Variants in PDE4B observed in about 807,000 individuals in gnomAD.
PDE4B encodes the protein phosphodiesterase 4B.
Under a neutral mutation model 82.2 loss-of-function variants are expected in PDE4B, and 20 were observed. That is an observed-to-expected ratio of 0.24 (90% CI 0.17 to 0.35). The LOEUF is 0.35. Ranked by LOEUF, PDE4B falls within the 10% of genes least tolerant of loss-of-function variation. The pLI, the probability that PDE4B is intolerant of heterozygous loss-of-function variation, is 1.00. For missense variants in PDE4B, 655 were observed against 907.2 expected, an observed-to-expected ratio of 0.72 and a Z score of 3.57; for synonymous variants, 320 against 318.9, an observed-to-expected ratio of 1.00 and a Z score of -0.04.
chr1:66,003,136 G>T (rs950432904), intron 3 of PDE4B, among the ~76,000 whole-genome samples: 2 of 151,984 alleles, frequency 1.3e-5, no homozygotes, highest in Non-Finnish European at 2.9e-5. Context: ...GTGCATGTGG[G>T]TTAGTAAAGA....
intron 3 of PDE4B, among the ~76,000 whole-genome samples, chr1:66,073,649 G>A (rs956709073): frequency 1.2e-4 from 19 of 152,010 alleles, no homozygotes; most frequent in African/African-American, 4.3e-4. Context: ...CCAAGTTTTA[G>A]TTGGCAACAA....
intron 4 of PDE4B, among the ~76,000 whole-genome samples, chr1:66,248,444 C>T (rs6699831): frequency 0.21 from 31,503 of 152,132 alleles, 6,693 homozygotes; most frequent in African/African-American, 0.53. Context: ...CTGTTCTCTT[C>T]TGCTATTGGA....
chr1:66,222,500 A>G (rs779517259), intron 3 of PDE4B, among the ~76,000 whole-genome samples: 11 of 152,354 alleles, frequency 7.2e-5, no homozygotes, highest in Non-Finnish European at 1.2e-4. Context: ...TAGCGTTCAG[A>G]GCACCCATGC....
intron 3 of PDE4B, among the ~76,000 whole-genome samples, chr1:66,057,770 T>C (rs1655377922): frequency 6.6e-6 from 1 of 152,194 alleles, no homozygotes; most frequent in South Asian, 2.1e-4. Flanking sequence ...TTCAGTTATT[T>C]CCCACCGGGT....
At chr1:65,874,417 C>T (rs1388654139) in intron 1 of PDE4B, among the ~76,000 whole-genome samples, 1 of 152,140 alleles carries the variant, frequency 6.6e-6, no homozygotes, top group Non-Finnish European at 1.5e-5. Context: ...ATTTCTTTCT[C>T]CTGCCTAATT....
At chr1:66,315,089 A>T (rs1217256286) in intron 7 of PDE4B, among the ~76,000 whole-genome samples, 1 of 152,146 alleles carries the variant, frequency 6.6e-6, no homozygotes, top group African/African-American at 2.4e-5. Context: ...CCCATACATC[A>T]TTCTCTTCCC....
intron 3 of PDE4B, among the ~76,000 whole-genome samples, chr1:66,141,351 TA>T (rs1646167690): frequency 7.0e-6 from 1 of 143,484 alleles, no homozygotes; most frequent in Non-Finnish European, 1.5e-5. Context: ...TATATATATA[TA>T]TATATATATA....
chr1:66,026,712 A>G (rs1653455516), intron 3 of PDE4B, among the ~76,000 whole-genome samples: 2 of 152,224 alleles, frequency 1.3e-5, no homozygotes, highest in Admixed American at 6.5e-5. Context: ...CTCACTAAAT[A>G]TTAACTGTTA....
chr1:66,068,891 T>C (rs551501763), intron 3 of PDE4B, among the ~76,000 whole-genome samples: 1 of 152,152 alleles, frequency 6.6e-6, no homozygotes, highest in African/African-American at 2.4e-5. Flanking sequence ...GTTCACTCTT[T>C]GGTTACCTGT....
At chr1:65,987,292 G>A (rs1651003183) in intron 3 of PDE4B, among the ~76,000 whole-genome samples, 1 of 152,130 alleles carries the variant, frequency 6.6e-6, no homozygotes, top group South Asian at 2.1e-4. Context: ...TCTTTCTGAA[G>A]CACCATTTTC....
At chr1:65,997,588 G>A (rs530696223) in intron 3 of PDE4B, among the ~76,000 whole-genome samples, 7 of 152,274 alleles carry the variant, frequency 4.6e-5, no homozygotes, top group African/African-American at 1.4e-4. Flanking sequence ...ATCTGTGCTA[G>A]TAATATTGAT....
At chr1:66,362,598 G>A (rs1228945976) in intron 10 of PDE4B, among the ~76,000 whole-genome samples, 1 of 152,182 alleles carries the variant, frequency 6.6e-6, no homozygotes. Context: ...TCACAACACA[G>A]GCCTGAGTGA....
intron 1 of PDE4B, among the ~76,000 whole-genome samples, chr1:65,895,148 A>G (rs1477490046): frequency 1.3e-5 from 2 of 152,172 alleles, no homozygotes; most frequent in African/African-American, 4.8e-5. Context: ...AGGCAAAATG[A>G]TGGAAAAATT....
chr1:65,983,160 C>A (rs901364372), intron 3 of PDE4B, among the ~76,000 whole-genome samples: 1 of 152,172 alleles, frequency 6.6e-6, no homozygotes, highest in Admixed American at 6.5e-5. Flanking sequence ...GCCTGTCCCA[C>A]CATTGTATTT....
chr1:65,975,712 C>T (rs754445363), intron 3 of PDE4B, among the ~76,000 whole-genome samples: 1 of 152,198 alleles, frequency 6.6e-6, no homozygotes, highest in Non-Finnish European at 1.5e-5. Flanking sequence ...ACTCCAGCTC[C>T]AGCTGTGGCT....
intron 3 of PDE4B, among the ~76,000 whole-genome samples, chr1:65,975,211 T>C (rs1255076529): frequency 6.6e-6 from 1 of 152,242 alleles, no homozygotes; most frequent in African/African-American, 2.4e-5. Flanking sequence ...CTTGCTATGT[T>C]TTAGCAAAGA....
At chr1:65,959,360 G>C (rs926162766) in intron 3 of PDE4B, among the ~76,000 whole-genome samples, 9 of 151,978 alleles carry the variant, frequency 5.9e-5, no homozygotes, top group African/African-American at 1.9e-4. Context: ...TTTTTAAATG[G>C]GCTTTTCAAT....
chr1:66,361,037 ATTGT>A (rs542154261), intron 9 of PDE4B, among the ~76,000 whole-genome samples: 200 of 152,288 alleles, frequency 1.3e-3, no homozygotes, highest in African/African-American at 4.5e-3. Flanking sequence ...CCTTAAAGTA[ATTGT>A]TTGAGGATTA....
At chr1:66,190,235 T>C (rs1246173670) in intron 3 of PDE4B, among the ~76,000 whole-genome samples, 1 of 152,186 alleles carries the variant, frequency 6.6e-6, no homozygotes, top group Non-Finnish European at 1.5e-5. Context: ...GAGATGTCAG[T>C]CTGCCTCTAC....
Sources: gnomAD v4.1 joint callset for allele counts (sites outside exome capture counted in the v4.1 genomes callset) on GRCh38, gnomAD v4.1.1 for gene constraint, MANE v1.5 for transcripts, NCBI Gene and HGNC (gene_info 2026-07-23, HGNC 2026-07-21) for gene names.